The following MCTP1 variants were observed in gnomAD, a reference collection of about 807,000 sequenced individuals.
MCTP1 encodes the protein multiple C2 and transmembrane domain-containing protein 1.
Under a neutral mutation model 120.6 loss-of-function variants are expected in MCTP1, and 69 were observed. The observed-to-expected ratio is 0.57, with a 90% CI of 0.47 to 0.70. The LOEUF (loss-of-function observed/expected upper bound fraction) is 0.70, where lower values mean the gene tolerates loss of function less well. MCTP1 is among the 30% of genes least tolerant of loss of function. The pLI is 0.00. For synonymous variants in MCTP1, 529 were observed against 493.1 expected, an observed-to-expected ratio of 1.07 and a Z score of -0.96; for missense variants, 1,203 against 1,248.8, an observed-to-expected ratio of 0.96 and a Z score of 0.55.
At chr5:94,711,754 G>C (rs1325961940) in intron 20 of MCTP1, among the ~76,000 whole-genome samples, 6 of 151,888 alleles carry the variant, frequency 4.0e-5, no homozygotes. Context: ...GAGGAGATGG[G>C]AAGGAATTTA....
chr5:95,174,270 C>A (rs768559112), intron 1 of MCTP1, among the ~76,000 whole-genome samples: 1 of 151,908 alleles, frequency 6.6e-6, no homozygotes, highest in Non-Finnish European at 1.5e-5. Flanking sequence ...ATAAAATGGC[C>A]CATCAACTGT....
intron 8 of MCTP1, among the ~76,000 whole-genome samples, chr5:94,913,618 A>G (rs1809353212): frequency 6.6e-6 from 1 of 152,182 alleles, no homozygotes; most frequent in South Asian, 2.1e-4. Flanking sequence ...GTTTAAAGTT[A>G]CCCATGTGAT....
chr5:95,095,184 C>T (rs1347909433), intron 1 of MCTP1, among the ~76,000 whole-genome samples: 2 of 150,820 alleles, frequency 1.3e-5, no homozygotes, highest in East Asian at 1.9e-4. Context: ...CTACCACGCC[C>T]GGCTAATTTT....
intron 1 of MCTP1, among the ~76,000 whole-genome samples, chr5:95,185,620 T>TA (rs1306118524): frequency 6.6e-6 from 1 of 151,984 alleles, no homozygotes; most frequent in Admixed American, 6.6e-5. Context: ...CTGTCTCTAC[T>TA]AAAAATAGAA....
At chr5:95,139,113 G>C (rs1361423958) in intron 1 of MCTP1, among the ~76,000 whole-genome samples, 1 of 151,922 alleles carries the variant, frequency 6.6e-6, no homozygotes, top group Non-Finnish European at 1.5e-5. Context: ...CATCAGCTAA[G>C]AAACATAATT....
intron 19 of MCTP1, among the ~76,000 whole-genome samples, chr5:94,733,886 C>T (rs1235946518): frequency 1.3e-5 from 2 of 151,658 alleles, no homozygotes; most frequent in South Asian, 4.2e-4. Flanking sequence ...ATTGCTTGAA[C>T]CCGGGAGGCA....
At chr5:95,261,130 A>T (rs1758435249) in intron 1 of MCTP1, among the ~76,000 whole-genome samples, 1 of 152,198 alleles carries the variant, frequency 6.6e-6, no homozygotes, top group South Asian at 2.1e-4. Context: ...AGCCCTATTC[A>T]TTGATTTCTG....
intron 1 of MCTP1, among the ~76,000 whole-genome samples, chr5:95,275,179 A>G (rs1458534815): frequency 6.6e-6 from 1 of 152,262 alleles, no homozygotes; most frequent in African/African-American, 2.4e-5. Context: ...TCTCTGAGTC[A>G]GAAGTTCTAA....
At chr5:94,834,719 G>GT (rs1789309671) in intron 17 of MCTP1, among the ~76,000 whole-genome samples, 1 of 152,068 alleles carries the variant, frequency 6.6e-6, no homozygotes, top group African/African-American at 2.4e-5. Flanking sequence ...AGAGTGTGGA[G>GT]GGTCTAACCC....
At chr5:95,010,608 C>T (rs562496672) in intron 2 of MCTP1, among the ~76,000 whole-genome samples, 2 of 152,056 alleles carry the variant, frequency 1.3e-5, no homozygotes, top group Admixed American at 6.6e-5. Context: ...ATAAAAATTT[C>T]GCTAATGCCA....
At chr5:94,974,986 G>C (rs1282542626) in intron 2 of MCTP1, among the ~76,000 whole-genome samples, 1 of 152,078 alleles carries the variant, frequency 6.6e-6, no homozygotes, top group Non-Finnish European at 1.5e-5. Context: ...TTGTCTCCAT[G>C]CTTCTAGTCT....
intron 2 of MCTP1, among the ~76,000 whole-genome samples, chr5:94,973,778 GA>G (rs779996651): frequency 2.5e-4 from 38 of 152,220 alleles, no homozygotes; most frequent in Non-Finnish European, 4.1e-4. Context: ...TGAGGGGGAT[GA>G]AAAGGCTCAT....
At chr5:94,715,456 C>T (rs1327531231) in intron 19 of MCTP1, among the ~76,000 whole-genome samples, 1 of 151,352 alleles carries the variant, frequency 6.6e-6, no homozygotes, top group African/African-American at 2.4e-5. Context: ...CTAAGCCTGA[C>T]CACCTTCTTA....
intron 1 of MCTP1, among the ~76,000 whole-genome samples, chr5:95,167,915 C>A (rs1366509925): frequency 2.6e-5 from 4 of 152,160 alleles, no homozygotes; most frequent in Admixed American, 2.6e-4. Context: ...TCCCATTTGT[C>A]AATTTTGGCT....
At chr5:94,843,944 G>T (rs938066905) in intron 17 of MCTP1, among the ~76,000 whole-genome samples, 2 of 152,148 alleles carry the variant, frequency 1.3e-5, no homozygotes, top group Non-Finnish European at 2.9e-5. Flanking sequence ...AAATGTTCCA[G>T]TAGATTAGCT....
At chr5:95,033,591 C>T (rs917200156) in intron 1 of MCTP1, among the ~76,000 whole-genome samples, 2 of 151,854 alleles carry the variant, frequency 1.3e-5, no homozygotes, top group Non-Finnish European at 2.9e-5. Context: ...AATAACAAAA[C>T]AAATTTATGA....
chr5:95,081,405 G>A, intron 1 of MCTP1: 2 of 1,607,132 alleles, frequency 1.2e-6, no homozygotes, highest in Non-Finnish European at 1.7e-6. Context: ...AATCCAGTGA[G>A]TAAACCAAAA....
chr5:94,819,646 G>A (rs1785224368), intron 17 of MCTP1, among the ~76,000 whole-genome samples: 1 of 152,102 alleles, frequency 6.6e-6, no homozygotes, highest in Non-Finnish European at 1.5e-5. Flanking sequence ...TTAAAAAGAG[G>A]TGATTATTTA....
At chr5:95,253,543 A>T (rs551824072) in intron 1 of MCTP1, among the ~76,000 whole-genome samples, 1 of 152,240 alleles carries the variant, frequency 6.6e-6, no homozygotes, top group African/African-American at 2.4e-5. Flanking sequence ...TTCCACAGTG[A>T]ATCTTTGTCT....
Sources: allele counts gnomAD v4.1 joint callset (sites outside exome capture counted in the v4.1 genomes callset), GRCh38; gene constraint gnomAD v4.1.1; transcripts MANE v1.5; gene names NCBI Gene and HGNC (gene_info 2026-07-23, HGNC 2026-07-21).